The following ZNF804A variants were observed in gnomAD, a reference collection of about 807,000 sequenced individuals.
The protein encoded by ZNF804A is zinc finger protein 804A.
A neutral mutation model predicts 16.5 loss-of-function variants in ZNF804A; 2 were observed. That is an observed-to-expected ratio of 0.12 (90% CI 0.05 to 0.38). The LOEUF (loss-of-function observed/expected upper bound fraction) is 0.38, where lower values mean the gene tolerates loss of function less well. ZNF804A is among the 10% of genes least tolerant of loss of function. The pLI, the probability that ZNF804A is intolerant of heterozygous loss-of-function variation, is 0.99. For missense variants in ZNF804A, 1,473 were observed against 1,390.7 expected, an observed-to-expected ratio of 1.06 and a Z score of -0.94; for synonymous variants, 534 against 489.6, an observed-to-expected ratio of 1.09 and a Z score of -1.20.
chr2:184,598,869 C>T lies in ZNF804A; in HGVS notation c.-91C>T, dbSNP rs1690996900. On this transcript the variant is annotated 5_prime_UTR_variant, in exon 1 of 4. Coordinates refer to ENST00000302277, the MANE Select transcript of ZNF804A (RefSeq NM_194250.2). ...GCTGCGTGCCCTCGTGGCGGGTTCC[C>T]AGCCCACCGTCGCCGGCCCCGGCGC... 1 of 740,686 alleles carries T rather than the reference C, an allele frequency of 1.4e-6. No individual in the cohort carries two copies. Among genetic ancestry groups the T allele is most frequent in the African/African-American group, 1.9e-5 (1 of 52,798 alleles). The allele number at this position is 740,686 out of a possible 1,614,324, so 45.9% of individuals were successfully genotyped here.
At chr2:184,713,671 T>C (rs1693170216) in intron 1 of ZNF804A, among the ~76,000 whole-genome samples, 1 of 152,006 alleles carries the variant, frequency 6.6e-6, no homozygotes, top group Non-Finnish European at 1.5e-5. Flanking sequence ...GTATAGGCTA[T>C]ATCACAGGAT....
At chr2:184,847,173 G>A (rs541885520) in intron 1 of ZNF804A, among the ~76,000 whole-genome samples, 8 of 152,112 alleles carry the variant, frequency 5.3e-5, no homozygotes, top group South Asian at 4.2e-4. Context: ...AATTTAGCTC[G>A]CCAGAGGAAT....
intron 1 of ZNF804A, among the ~76,000 whole-genome samples, chr2:184,782,559 C>A (rs1280515489): frequency 2.0e-5 from 3 of 151,468 alleles, no homozygotes; most frequent in Non-Finnish European, 4.4e-5. Context: ...CCACGTTCTT[C>A]AGTTTTGGGA....
At chr2:184,660,360 C>A (rs1273860814) in intron 1 of ZNF804A, among the ~76,000 whole-genome samples, 1 of 152,206 alleles carries the variant, frequency 6.6e-6, no homozygotes, top group Non-Finnish European at 1.5e-5. Flanking sequence ...AAAAAAATCT[C>A]TCTGCCTGTT....
At chr2:184,890,913 A>G (rs897788149) in intron 2 of ZNF804A, among the ~76,000 whole-genome samples, 1 of 151,718 alleles carries the variant, frequency 6.6e-6, no homozygotes, top group African/African-American at 2.4e-5. Context: ...CATATTATAC[A>G]TCTATGTTAT....
chr2:184,837,961 A>G (rs1695380441), intron 1 of ZNF804A, among the ~76,000 whole-genome samples: 1 of 152,048 alleles, frequency 6.6e-6, no homozygotes, highest in Non-Finnish European at 1.5e-5. Context: ...AGCAGGAAAA[A>G]AGGCAGTTTA....
At chr2:184,761,812 C>A (rs1464672097) in intron 1 of ZNF804A, among the ~76,000 whole-genome samples, 1 of 152,130 alleles carries the variant, frequency 6.6e-6, no homozygotes, top group Non-Finnish European at 1.5e-5. Flanking sequence ...AAGATCATGT[C>A]TATTAAATAG....
At chr2:184,783,364 C>T (rs1391425958) in intron 1 of ZNF804A, among the ~76,000 whole-genome samples, 6 of 151,356 alleles carry the variant, frequency 4.0e-5, no homozygotes, top group Non-Finnish European at 5.9e-5. Context: ...TGTTAAAGTA[C>T]ATTTTAAGAT....
At chr2:184,862,021 CT>C (rs1485444262) in intron 1 of ZNF804A, among the ~76,000 whole-genome samples, 1 of 152,112 alleles carries the variant, frequency 6.6e-6, no homozygotes, top group Non-Finnish European at 1.5e-5. Flanking sequence ...GAAGATTGTC[CT>C]TCTTTTTCAC....
At chr2:184,734,020 A>G (rs1382988446) in intron 1 of ZNF804A, among the ~76,000 whole-genome samples, 8 of 151,644 alleles carry the variant, frequency 5.3e-5, no homozygotes, top group African/African-American at 1.9e-4. Context: ...TTTTAGTAAC[A>G]TTGTTTCTTC....
chr2:184,918,704 C>T lies in ZNF804A; in HGVS notation c.256-14899C>T, dbSNP rs1351719184. Among the ~76,000 whole-genome samples, 5 of 152,086 alleles carry T rather than the reference C, an allele frequency of 3.3e-5. No individual in the cohort carries two copies. The East Asian group carries it at 9.7e-4, about 29-fold the overall frequency. ...CAATTTTTCCTTTTAAGTAATTTAT[C>T]CTTCAGAGATACTTGCACATATACA... On this transcript the variant is annotated intron_variant, in intron 2 of 3. Transcript: ENST00000302277.
intron 2 of ZNF804A, 108 bp from the exon 3 acceptor site, chr2:184,933,495 C>A: frequency 1.9e-6 from 2 of 1,051,788 alleles, no homozygotes; most frequent in South Asian, 1.8e-5. Context: ...GTTTACCTCT[C>A]GACAAGGTCA....
At chr2:184,892,731 GGCCA>G (rs573441020) in intron 2 of ZNF804A, among the ~76,000 whole-genome samples, 1 of 151,976 alleles carries the variant, frequency 6.6e-6, no homozygotes, top group Non-Finnish European at 1.5e-5. Flanking sequence ...GATCCACCCA[GGCCA>G]GCCTCCCAAA....
intron 1 of ZNF804A, among the ~76,000 whole-genome samples, chr2:184,657,772 A>G (rs146552654): frequency 1.3e-5 from 2 of 152,256 alleles, no homozygotes; most frequent in East Asian, 3.9e-4. Context: ...GGAGGGATGG[A>G]TTTTTATAAG....
At position 184,776,522 on chromosome 2, in the gene ZNF804A, C is replaced by T. The variant is rs955968845; in HGVS notation, c.112-89847C>T. ...AACCTCTGTGTAAAAGTTAGTACTT[C>T]GGAATGTGTAATTATTCTCTCTGTC... On this transcript the variant is annotated intron_variant, in intron 1 of 3. Coordinates refer to ENST00000302277, the MANE Select transcript of ZNF804A (RefSeq NM_194250.2). Among the ~76,000 whole-genome samples, 6 of 149,816 alleles carry T rather than the reference C, an allele frequency of 4.0e-5. No homozygotes were observed. In the South Asian group the frequency reaches 6.3e-4, roughly 16 times the overall value.
In ZNF804A at chr2:184,709,523, T is replaced by A. The variant is rs536757056; in HGVS notation, c.111+110453T>A. 4.6e-5 allele frequency among the ~76,000 whole-genome samples: 7 copies of A among 152,002 alleles called. No individual in the cohort carries two copies. In the East Asian group the frequency reaches 1.4e-3, roughly 29 times the overall value. On this transcript the variant is annotated intron_variant, in intron 1 of 3. Coordinates refer to ENST00000302277, the MANE Select transcript of ZNF804A (RefSeq NM_194250.2). ...TAAGAAGGCTGATATTTCCTGACTA[T>A]AAGGAATACTTTTGTATATTTGAAA...
intron 1 of ZNF804A, among the ~76,000 whole-genome samples, chr2:184,826,021 G>T (rs1695161883): frequency 6.6e-6 from 1 of 150,446 alleles, no homozygotes; most frequent in Non-Finnish European, 1.5e-5. Flanking sequence ...ATAGGCACAT[G>T]CCACCATGCC....
At chr2:184,730,280 T>G (rs1471284551) in intron 1 of ZNF804A, among the ~76,000 whole-genome samples, 1 of 152,150 alleles carries the variant, frequency 6.6e-6, no homozygotes, top group East Asian at 1.9e-4. Flanking sequence ...AGAAATTTCC[T>G]ACACACTCCT....
At chr2:184,604,622 T>A (rs1217219345) in intron 1 of ZNF804A, among the ~76,000 whole-genome samples, 3 of 152,160 alleles carry the variant, frequency 2.0e-5, no homozygotes, top group Admixed American at 2.0e-4. Flanking sequence ...GAAATGAAGT[T>A]GGAAGAAGAC....
Sources: allele counts gnomAD v4.1 joint callset (sites outside exome capture counted in the v4.1 genomes callset), GRCh38; gene constraint gnomAD v4.1.1; transcripts MANE v1.5; gene names NCBI Gene and HGNC (gene_info 2026-07-23, HGNC 2026-07-21).